The following RBFOX3 variants were observed in gnomAD, a reference collection of about 807,000 sequenced individuals.
The protein encoded by RBFOX3 is RNA binding protein fox-1 homolog 3.
Under a neutral mutation model 48.7 loss-of-function variants are expected in RBFOX3, and 17 were observed. The ratio of observed to expected loss-of-function variants is 0.35; its 90% CI spans 0.24 to 0.52. RBFOX3 has a LOEUF of 0.52. Ranked by LOEUF, RBFOX3 falls within the 20% of genes least tolerant of loss-of-function variation. The pLI is 0.94. For missense variants in RBFOX3, 382 were observed against 497.5 expected (o/e 0.77, Z 2.21); for synonymous variants, 212 against 209.5 (o/e 1.01, Z -0.10).
At chr17:79,539,164 C>A (rs1332836853) in intron 1 of RBFOX3, among the ~76,000 whole-genome samples, 1 of 152,042 alleles carries the variant, frequency 6.6e-6, no homozygotes, top group Non-Finnish European at 1.5e-5. Context: ...CCAGCCTGGG[C>A]AACATAGCAA....
intron 2 of RBFOX3, among the ~76,000 whole-genome samples, chr17:79,463,256 T>A (rs1183909602): frequency 1.6e-5 from 1 of 62,884 alleles, no homozygotes; most frequent in African/African-American, 6.3e-5. Flanking sequence ...CACTGCCACC[T>A]CCACCATCGC....
intron 1 of RBFOX3, among the ~76,000 whole-genome samples, chr17:79,595,297 G>A (rs951265539): frequency 3.3e-5 from 5 of 152,116 alleles, no homozygotes; most frequent in South Asian, 2.1e-4. Flanking sequence ...CCAGGAACTC[G>A]ATCCTCCCAC....
chr17:79,229,411 T>C (rs983998980), intron 4 of RBFOX3, among the ~76,000 whole-genome samples: 2 of 151,248 alleles, frequency 1.3e-5, no homozygotes, highest in African/African-American at 4.9e-5. Flanking sequence ...ACAAAAAAAT[T>C]AGCCAAGTGT....
At chr17:79,639,902 T>C in the RBFOX3 span, among the ~76,000 whole-genome samples, 10 of 152,176 alleles carry the variant, frequency 6.6e-5, no homozygotes, top group African/African-American at 2.2e-4. Context: ...AGCCTTACTA[T>C]AAGATCTGGT....
At chr17:79,624,278 G>A in the RBFOX3 span, among the ~76,000 whole-genome samples, 9 of 152,152 alleles carry the variant, frequency 5.9e-5, no homozygotes, top group South Asian at 2.1e-4. Context: ...GTCAGCTCCC[G>A]GATCAGGGTC....
intron 1 of RBFOX3, among the ~76,000 whole-genome samples, chr17:79,589,574 C>G (rs2093357439): frequency 6.6e-6 from 1 of 152,186 alleles, no homozygotes; most frequent in Non-Finnish European, 1.5e-5. Context: ...GAATGGGTAG[C>G]CTCTTCCCTC....
intron 4 of RBFOX3, among the ~76,000 whole-genome samples, chr17:79,189,714 C>A (rs1409810907): frequency 6.6e-6 from 1 of 152,356 alleles, no homozygotes; most frequent in East Asian, 1.9e-4. Context: ...GGCCCTCACC[C>A]CGTGCTCAGC....
intron 4 of RBFOX3, among the ~76,000 whole-genome samples, chr17:79,170,158 G>GAGGAAGGAGGGA: frequency 6.6e-6 from 1 of 151,306 alleles, no homozygotes; most frequent in African/African-American, 2.4e-5. Flanking sequence ...AGGAAGGGAG[G>GAGGAAGGAGGGA]AGGAAGGAGG....
chr17:79,474,273 A>G (rs2077413504), intron 2 of RBFOX3, among the ~76,000 whole-genome samples: 1 of 152,164 alleles, frequency 6.6e-6, no homozygotes, highest in South Asian at 2.1e-4. Context: ...TCTAAAACAT[A>G]TGGATTTATA....
intron 1 of RBFOX3, among the ~76,000 whole-genome samples, chr17:79,510,354 G>A (rs575083917): frequency 7.2e-5 from 11 of 152,340 alleles, no homozygotes; most frequent in African/African-American, 2.6e-4. Flanking sequence ...CGCCAGGTCT[G>A]ACAAGCACGC....
intron 4 of RBFOX3, among the ~76,000 whole-genome samples, chr17:79,142,944 C>T (rs962652659): frequency 1.3e-5 from 2 of 152,114 alleles, no homozygotes; most frequent in African/African-American, 4.8e-5. Context: ...GCCTGGCATC[C>T]CACTGAGTCC....
intron 3 of RBFOX3, among the ~76,000 whole-genome samples, chr17:79,257,866 C>A (rs914077207): frequency 1.3e-5 from 2 of 152,142 alleles, no homozygotes; most frequent in African/African-American, 4.8e-5. Context: ...CAGGTGTGAG[C>A]CACCATGCCT....
intron 3 of RBFOX3, among the ~76,000 whole-genome samples, chr17:79,271,083 T>TTTTC (rs1555639159): frequency 1.3e-5 from 2 of 150,880 alleles, no homozygotes; most frequent in Non-Finnish European, 2.9e-5. Context: ...TAAGATTTTT[T>TTTTC]TTTTTTTTTG....
chr17:79,289,474 C>T (rs1480742683), intron 3 of RBFOX3, among the ~76,000 whole-genome samples: 3 of 152,236 alleles, frequency 2.0e-5, no homozygotes, highest in Non-Finnish European at 4.4e-5. Context: ...CTGGCCTTTG[C>T]CCCTGACTTC....
intron 2 of RBFOX3, among the ~76,000 whole-genome samples, chr17:79,371,605 G>T (rs1223207019): frequency 6.6e-6 from 1 of 152,190 alleles, no homozygotes; most frequent in African/African-American, 2.4e-5. Context: ...CCTAGGGTTA[G>T]GGGCCACTCG....
At chr17:79,309,341 C>G (rs1364670387) in intron 2 of RBFOX3, among the ~76,000 whole-genome samples, 3 of 147,754 alleles carry the variant, frequency 2.0e-5, no homozygotes, top group African/African-American at 7.4e-5. Context: ...CTGAGCCTTC[C>G]TCTCCCACCC....
At chr17:79,444,251 A>G (rs1205779029) in intron 2 of RBFOX3, among the ~76,000 whole-genome samples, 1 of 151,978 alleles carries the variant, frequency 6.6e-6, no homozygotes, top group Non-Finnish European at 1.5e-5. Context: ...AACTTCTGTG[A>G]CCTCAGCTGG....
intron 4 of RBFOX3, among the ~76,000 whole-genome samples, chr17:79,176,909 G>A (rs1196414760): frequency 6.6e-6 from 1 of 152,200 alleles, no homozygotes; most frequent in African/African-American, 2.4e-5. Context: ...AGGAAGCTCC[G>A]AGACAGGTGC....
In RBFOX3 at chr17:79,114,358, G is replaced by A. The variant is rs1433176088; in HGVS notation, c.222+1136C>T. 2.0e-5 allele frequency among the ~76,000 whole-genome samples: 3 copies of A among 152,198 alleles called. No homozygotes were observed. The East Asian group carries it at 5.8e-4, about 29-fold the overall frequency. ...TCAGGATGCTGGGGGCGCTGGAAAG[G>A]CTGATGGTCTCGGGGCAGATTCGGG... On this transcript the variant is annotated intron_variant, in intron 5 of 14. Transcript: ENST00000693108.
Sources: allele counts gnomAD v4.1 joint callset (sites outside exome capture counted in the v4.1 genomes callset), GRCh38; gene constraint gnomAD v4.1.1; transcripts MANE v1.5; gene names NCBI Gene and HGNC (gene_info 2026-07-23, HGNC 2026-07-21).